Variants in SYNPO observed in about 807,000 individuals in gnomAD.
SYNPO encodes the protein synaptopodin.
A neutral mutation model predicts 49.5 loss-of-function variants in SYNPO; 19 were observed. The ratio of observed to expected loss-of-function variants is 0.38; its 90% CI spans 0.27 to 0.56. The LOEUF is 0.56. SYNPO is among the 20% of genes least tolerant of loss of function. The pLI is 0.68. For missense variants in SYNPO, 1,131 were observed against 1,248.3 expected (o/e 0.91, Z 1.42); for synonymous variants, 536 against 548.0 (o/e 0.98, Z 0.31).
rs750334386 is a variant in SYNPO, at chr5:150,649,553, G to A, written c.1278G>A (p.Glu426=). ...AGGAGCCCTTCGCACTGGGGGCCGA[G>A]GCCTCCAACTTCCAGCAGGAGCCAG... is the stretch of plus-strand genomic sequence containing the variant. The part of the protein sequence containing the change: ...VEEEPFALGA[E]ASNFQQEPAP... Residue 426 remains glutamate, a synonymous_variant, in exon 2 of 3, where the codon GAG becomes GAA. Transcript: ENST00000307662. 2.5e-6 allele frequency: 4 copies of A among 1,610,604 alleles called. No individual in the cohort carries two copies. Among genetic ancestry groups the A allele is most frequent in the Non-Finnish European group, 3.4e-6 (4 of 1,178,622 alleles).
chr5:150,649,025 C>T lies in SYNPO; in HGVS notation c.750C>T (p.Gly250=), dbSNP rs1450434787. The T allele has an allele frequency of 6.2e-7, 1 of 1,614,212 alleles. No individual in the cohort carries two copies. Among genetic ancestry groups the T allele is most frequent in the Admixed American group, 1.7e-5 (1 of 60,022 alleles). Residue 250 remains glycine, a synonymous_variant, in exon 2 of 3, where the codon GGC becomes GGT. Transcript: ENST00000307662. ...ARPFGIQAPG[G]TSQMERSPML... ...CTTTTGGGATCCAGGCGCCAGGGGG[C>T]ACCAGCCAGATGGAGAGGAGCCCCA...
the SYNPO span, among the ~76,000 whole-genome samples, chr5:150,595,315 G>A: frequency 6.6e-6 from 1 of 152,272 alleles, no homozygotes; most frequent in Admixed American, 6.5e-5. Flanking sequence ...TGTCAGCACT[G>A]TGAGATGCTA....
At chr5:150,594,590 G>C in the SYNPO span, among the ~76,000 whole-genome samples, 2 of 152,120 alleles carry the variant, frequency 1.3e-5, no homozygotes, top group East Asian at 3.8e-4. Context: ...TTCCCCAACT[G>C]TAAGAAGAAG....
At chr5:150,606,087 G>A (rs571102152) in intron 1 of SYNPO, among the ~76,000 whole-genome samples, 7 of 152,202 alleles carry the variant, frequency 4.6e-5, no homozygotes, top group African/African-American at 1.7e-4. Context: ...ATACACACAC[G>A]TGGATATCAT....
upstream of SYNPO, among the ~76,000 whole-genome samples, chr5:150,639,186 T>C (rs995419949): frequency 1.3e-5 from 2 of 152,256 alleles, no homozygotes; most frequent in Non-Finnish European, 2.9e-5. Flanking sequence ...TCTGCAAGGA[T>C]AGAAGATGGG....
rs530690446 is a variant in SYNPO at position 150,648,586 on chromosome 5, T to C, written c.311T>C (p.Val104Ala). Residue 104 changes from valine to alanine, a missense_variant, in exon 2 of 3, where the codon GTT (valine) becomes GCT (alanine). Physicochemically the swap from Val to Ala is moderately conservative, Grantham distance 64. Around this residue, in one of 4 missense-constraint regions of SYNPO, gnomAD observed 602 missense variants for 720.7 expected, o/e 0.84. Transcript: ENST00000307662. This position sits in a 1 kb window ranked among gnomAD's most constrained non-coding sequence, Gnocchi z 5.0. Reference sequence around the variant, plus strand: ...GTCAATCAGAACCCACCGGCAACTGTTGTCCCACAGAGCCTGCCACTTTCT... The same window carrying C: ...GTCAATCAGAACCCACCGGCAACTGCTGTCCCACAGAGCCTGCCACTTTCT... ...TDVNQNPPAT[V>A]VPQSLPLSSI... 11 of 1,614,048 alleles carry C rather than the reference T, an allele frequency of 6.8e-6. No homozygotes were observed. Among genetic ancestry groups the C allele is most frequent in the Non-Finnish European group, 9.3e-6 (11 of 1,180,042 alleles).
chr5:150,588,307 G>A, the SYNPO span, among the ~76,000 whole-genome samples: 2 of 152,030 alleles, frequency 1.3e-5, no homozygotes, highest in Non-Finnish European at 2.9e-5. Context: ...GGGAAGCTGC[G>A]TGTTATAAAA....
At position 150,647,952 on chromosome 5, in the gene SYNPO, C is replaced by T. The variant is rs1186943561; in HGVS notation, c.-324C>T. On this transcript the variant is annotated 5_prime_UTR_variant, in exon 2 of 3. Coordinates refer to ENST00000307662, the MANE Select transcript of SYNPO (RefSeq NM_007286.6). The stretch of plus-strand genomic sequence containing the variant: ...TTTGTCCCTCCCTGTAGCGTTGGGC[C>T]GGAGCACTAGCCTCACGGAGAAGGA... The T allele has an allele frequency of 2.9e-5, 45 of 1,551,412 alleles. No homozygotes were observed. The highest frequency in any genetic ancestry group is 5.5e-5 in the African/African-American group (4 of 73,022).
At position 150,656,622 on chromosome 5, in the gene SYNPO, C is replaced by G. The variant is rs771385412; in HGVS notation, c.2247C>G (p.Pro749=). 2 of 1,511,822 alleles carry G rather than the reference C, an allele frequency of 1.3e-6. No individual in the cohort carries two copies. Among genetic ancestry groups the G allele is most frequent in the Admixed American group, 2.0e-5 (1 of 49,100 alleles). The allele number at this position is 1,511,822 out of a possible 1,614,324, so 93.7% of individuals were successfully genotyped here. The change falls in exon 3 of 3, where the codon CCC becomes CCG. Residue 749 remains proline, a synonymous_variant. Coordinates refer to ENST00000307662, the MANE Select transcript of SYNPO (RefSeq NM_007286.6). Reference sequence around the variant, plus strand: ...GACCTGAGACCGAGGCGCGGCCCCCCAGCCGCCAGCTGCAGGCGCTTCTGG... The same window carrying G: ...GACCTGAGACCGAGGCGCGGCCCCCGAGCCGCCAGCTGCAGGCGCTTCTGG... ...PLRPETEARP[P]SRQLQALLAR... is the part of the protein sequence containing the mutation.
intron 2 of SYNPO, among the ~76,000 whole-genome samples, chr5:150,621,149 C>T (rs1446746880): frequency 6.6e-6 from 1 of 151,978 alleles, no homozygotes; most frequent in African/African-American, 2.4e-5. Flanking sequence ...GATGGGATTT[C>T]ACCATGTTGG....
At chr5:150,650,457 A>C in intron 2 of SYNPO, 154 bp downstream of exon 2, 1 of 1,523,784 alleles carries the variant, frequency 6.6e-7, no homozygotes, top group Non-Finnish European at 8.8e-7. Flanking sequence ...GTTCAAGGTC[A>C]GATGCGGCCA....
the SYNPO span, among the ~76,000 whole-genome samples, chr5:150,591,140 G>A: frequency 2.0e-5 from 3 of 152,138 alleles, no homozygotes; most frequent in Non-Finnish European, 4.4e-5. Flanking sequence ...GACATGGCCC[G>A]CAGCCCTGAC....
rs911485172 is a variant in SYNPO, at chr5:150,657,431, C to G, written c.*344C>G. On this transcript the variant is annotated 3_prime_UTR_variant, in exon 3 of 3. Transcript: ENST00000307662. The stretch of plus-strand genomic sequence containing the variant: ...ACTCTCTCTTTCTCTCTCTCTCTCT[C>G]TCACACACACACACACACACACACA... 3 of 144,582 alleles carry G rather than the reference C, an allele frequency of 2.1e-5. No homozygotes were observed. Among genetic ancestry groups the G allele is most frequent in the Admixed American group, 9.1e-5 (1 of 10,990 alleles). 9.0% of individuals were successfully genotyped at this position (144,582 alleles called of 1,614,324 possible).
intron 2 of SYNPO, among the ~76,000 whole-genome samples, chr5:150,620,430 T>G (rs892452628): frequency 6.6e-6 from 1 of 152,242 alleles, no homozygotes; most frequent in Non-Finnish European, 1.5e-5. Flanking sequence ...ATACTTTTAT[T>G]ATTTTCATTA....
chr5:150,622,912 C>T (rs1341082624), intron 2 of SYNPO, among the ~76,000 whole-genome samples: 1 of 152,208 alleles, frequency 6.6e-6, no homozygotes, highest in Non-Finnish European at 1.5e-5. Flanking sequence ...ACACATGTAT[C>T]TACACATGAT....
intron 2 of SYNPO, among the ~76,000 whole-genome samples, chr5:150,627,788 TG>T (rs1378868526): frequency 3.3e-5 from 5 of 149,516 alleles, no homozygotes; most frequent in Non-Finnish European, 5.9e-5. Flanking sequence ...ATGGGGAAGC[TG>T]GGGTGGGGGA....
At position 150,619,975 on chromosome 5, in the gene SYNPO, C is replaced by T. The variant is rs576690969; in HGVS notation, c.400+1208C>T. Among the ~76,000 whole-genome samples the T allele has an allele frequency of 7.2e-5, 11 of 152,250 alleles. No homozygotes were observed. The South Asian group carries it at 2.1e-3, about 29-fold the overall frequency. Reference sequence around the variant, plus strand: ...GCAGTCTTGAACTTGGAGGTGGGCCCTCACACCAGAGTCCGCCCAAATTCA... The same window carrying T: ...GCAGTCTTGAACTTGGAGGTGGGCCTTCACACCAGAGTCCGCCCAAATTCA... On this transcript the variant is annotated intron_variant, in intron 2 of 2. Coordinates refer to the SYNPO transcript ENST00000394243.
At chr5:150,635,080 T>C (rs781058653) in intron 2 of SYNPO, among the ~76,000 whole-genome samples, 1 of 152,254 alleles carries the variant, frequency 6.6e-6, no homozygotes, top group Non-Finnish European at 1.5e-5. Flanking sequence ...CTAACCCGGT[T>C]ACCTGAAGAC....
At chr5:150,618,778 G>A (rs1430161329) in intron 2 of SYNPO, 16 of 1,550,958 alleles carry the variant, frequency 1.0e-5, no homozygotes, top group East Asian at 2.4e-5. Context: ...GTAAGCTTGT[G>A]TTCCTTTTCC....
Sources: allele counts gnomAD v4.1 joint callset (sites outside exome capture counted in the v4.1 genomes callset), GRCh38; gene constraint gnomAD v4.1.1; regional missense constraint gnomAD v4.1.1; non-coding constraint Gnocchi (gnomAD v3.1); transcripts MANE v1.5; gene names NCBI Gene and HGNC (gene_info 2026-07-23, HGNC 2026-07-21).